Variants in RAPGEF2 observed in about 807,000 individuals in gnomAD.
RAPGEF2 encodes Rap guanine nucleotide exchange factor 2, also known as PDZ domain containing guanine nucleotide exchange factor (GEF) 1.
In RAPGEF2, 54 loss-of-function variants were observed where a neutral mutation model predicts 186.7. The observed-to-expected ratio is 0.29, with a 90% CI of 0.23 to 0.36. The LOEUF (loss-of-function observed/expected upper bound fraction) is 0.36, where lower values mean the gene tolerates loss of function less well. Ranked by LOEUF, RAPGEF2 falls within the 10% of genes least tolerant of loss-of-function variation. The probability of loss-of-function intolerance (pLI) is 1.00; values close to 1 mark genes in which losing one functional copy is unlikely to be tolerated. For missense variants in RAPGEF2, 1,532 were observed against 2,045.0 expected (o/e 0.75, Z 4.84); for synonymous variants, 712 against 705.9 (o/e 1.01, Z -0.14).
At chr4:159,222,545 A>G (rs1241877290) in intron 4 of RAPGEF2, among the ~76,000 whole-genome samples, 2 of 152,192 alleles carry the variant, frequency 1.3e-5, no homozygotes, top group Non-Finnish European at 2.9e-5. Flanking sequence ...GTTTGTGTCA[A>G]TGAAACACAG....
intron 1 of RAPGEF2, among the ~76,000 whole-genome samples, chr4:159,114,296 G>C (rs542964027): frequency 1.1e-4 from 16 of 151,936 alleles, no homozygotes; most frequent in Admixed American, 8.5e-4. Context: ...TAGAGACAGG[G>C]TTTCACCATG....
At chr4:159,266,975 T>G (rs1424071808) in intron 7 of RAPGEF2, 10 of 257,816 alleles carry the variant, frequency 3.9e-5, no homozygotes, top group Non-Finnish European at 2.4e-5. Context: ...GCTTGTTACT[T>G]TATCTGAATT....
intron 7 of RAPGEF2, among the ~76,000 whole-genome samples, chr4:159,274,018 C>T (rs1758529365): frequency 6.6e-6 from 1 of 152,190 alleles, no homozygotes; most frequent in South Asian, 2.1e-4. Flanking sequence ...TCTTGAGCTC[C>T]TGACCTCAGG....
chr4:159,206,544 TAAAA>T (rs1046715410), intron 3 of RAPGEF2, among the ~76,000 whole-genome samples: 4 of 152,172 alleles, frequency 2.6e-5, no homozygotes, highest in Non-Finnish European at 1.5e-5. Flanking sequence ...TCATTTTTCT[TAAAA>T]AAACCATCAC....
At chr4:159,172,145 T>C (rs1001804406) in intron 1 of RAPGEF2, among the ~76,000 whole-genome samples, 7 of 152,234 alleles carry the variant, frequency 4.6e-5, no homozygotes, top group African/African-American at 1.7e-4. Context: ...CACACACTAG[T>C]GAGAATTCTC....
At chr4:159,347,043 A>G (rs778099300) in intron 25 of RAPGEF2, 45 bp downstream of exon 25, 2 of 1,525,990 alleles carry the variant, frequency 1.3e-6, no homozygotes, top group Admixed American at 3.7e-5. Flanking sequence ...ATTCACTGTC[A>G]TGGTTTGCAA....
At chr4:159,178,923 CCCCCCT>C (rs1243046462) in intron 1 of RAPGEF2, among the ~76,000 whole-genome samples, 1 of 152,092 alleles carries the variant, frequency 6.6e-6, no homozygotes, top group East Asian at 1.9e-4. Flanking sequence ...TGAACAATCA[CCCCCCT>C]AAAGTACTTA....
At position 159,359,158 on chromosome 4, in the gene RAPGEF2, T is replaced by G. The variant is rs536478271; in HGVS notation, c.*1019T>G. The G allele has an allele frequency of 4.6e-5, 7 of 151,334 alleles. No individual in the cohort carries two copies. In the East Asian group the frequency reaches 7.7e-4, roughly 17 times the overall value. The allele number at this position is 151,334 out of a possible 1,614,324, so 9.4% of individuals were successfully genotyped here. ...GTAGGTTTTGTTTTTTGTTTTTTTG[T>G]TTTTTTTTAAGAGAAACATTTATAA... is the stretch of plus-strand genomic sequence containing the variant. On this transcript the variant is annotated 3_prime_UTR_variant, in exon 30 of 30. Transcript: ENST00000691494.
intron 1 of RAPGEF2, among the ~76,000 whole-genome samples, chr4:159,126,115 T>C (rs1388875215): frequency 2.6e-5 from 4 of 152,236 alleles, no homozygotes; most frequent in Non-Finnish European, 5.9e-5. Context: ...GTATAAAAAT[T>C]GATTATCCTC....
chr4:159,339,075 A>T (rs1345994073), intron 18 of RAPGEF2, 39 bp from the exon 19 acceptor site: 1 of 1,585,566 alleles, frequency 6.3e-7, no homozygotes, highest in South Asian at 1.2e-5. Context: ...ATATATTAAA[A>T]TTCTTTCTAC....
intron 3 of RAPGEF2, among the ~76,000 whole-genome samples, chr4:159,205,558 T>C (rs955354381): frequency 6.6e-6 from 1 of 152,180 alleles, no homozygotes. Context: ...TGTTGTGCCA[T>C]TGGGGGAGGG....
intron 7 of RAPGEF2, among the ~76,000 whole-genome samples, chr4:159,301,178 G>A (rs1342217023): frequency 6.6e-6 from 1 of 152,114 alleles, no homozygotes; most frequent in Non-Finnish European, 1.5e-5. Context: ...TTTGAGACCA[G>A]CTTGGCCAAC....
chr4:159,208,228 A>G (rs1398131109), intron 3 of RAPGEF2, among the ~76,000 whole-genome samples: 1 of 152,244 alleles, frequency 6.6e-6, no homozygotes, highest in African/African-American at 2.4e-5. Flanking sequence ...ATTATTAAGT[A>G]ATGTAATTAT....
intron 6 of RAPGEF2, among the ~76,000 whole-genome samples, chr4:159,241,644 T>C (rs1300014312): frequency 6.6e-6 from 1 of 151,564 alleles, no homozygotes; most frequent in Non-Finnish European, 1.5e-5. Flanking sequence ...TGAAATAACA[T>C]GTCAACAGAC....
chr4:159,133,435 A>G (rs963905813), intron 1 of RAPGEF2, among the ~76,000 whole-genome samples: 2 of 147,860 alleles, frequency 1.4e-5, no homozygotes, highest in African/African-American at 5.0e-5. Context: ...TTTTTTTTTC[A>G]GAGTTTTGCT....
At chr4:159,126,723 G>T (rs1207378715) in intron 1 of RAPGEF2, among the ~76,000 whole-genome samples, 1 of 152,072 alleles carries the variant, frequency 6.6e-6, no homozygotes, top group Non-Finnish European at 1.5e-5. Flanking sequence ...CATAATTTCA[G>T]TTTCCCTTCA....
At chr4:159,187,856 T>C (rs1353405534) in intron 2 of RAPGEF2, among the ~76,000 whole-genome samples, 5 of 152,212 alleles carry the variant, frequency 3.3e-5, no homozygotes, top group African/African-American at 4.8e-5. Context: ...GAATGCTTTT[T>C]CCATATATTT....
chr4:159,262,818 G>T lies in RAPGEF2; in HGVS notation c.543+19027G>T, dbSNP rs116581988. Among the ~76,000 whole-genome samples the T allele has an allele frequency of 8.9e-3, 1,259 of 141,488 alleles. 15 individuals are homozygous for T. The highest frequency in any genetic ancestry group is 0.035 in the African/African-American group (1,175 of 33,702). 92.8% of individuals were successfully genotyped at this position (141,488 alleles called of 152,430 possible). A position where few individuals can be genotyped will look rare whatever the true frequency, so the allele number is the denominator to read the frequency against. Reference sequence around the variant, plus strand: ...TCAGATGCCACATAAACAGTTTGCCGTCAGAAACTTTTTTTTTTTAACATT... The same window carrying T: ...TCAGATGCCACATAAACAGTTTGCCTTCAGAAACTTTTTTTTTTTAACATT... On this transcript the variant is annotated intron_variant, in intron 7 of 29. Transcript: ENST00000691494.
At chr4:159,307,551 G>GATT (rs1374998164) in intron 8 of RAPGEF2, among the ~76,000 whole-genome samples, 3 of 152,140 alleles carry the variant, frequency 2.0e-5, no homozygotes, top group Non-Finnish European at 4.4e-5. Context: ...TAAACTTTGA[G>GATT]ATTATTATTA....
Sources: gnomAD v4.1 joint callset for allele counts (sites outside exome capture counted in the v4.1 genomes callset) on GRCh38, gnomAD v4.1.1 for gene constraint, MANE v1.5 for transcripts, NCBI Gene and HGNC (gene_info 2026-07-23, HGNC 2026-07-21) for gene names.